The following XIRP2 variants were observed in gnomAD, a reference collection of about 807,000 sequenced individuals.
XIRP2 encodes xin actin-binding repeat-containing protein 2.
Under a neutral mutation model 277.0 loss-of-function variants are expected in XIRP2, and 236 were observed. The observed-to-expected ratio is 0.85, with a 90% CI of 0.77 to 0.95. XIRP2 has a LOEUF of 0.95. Ranked by LOEUF, XIRP2 falls within the 40% of genes least tolerant of loss-of-function variation. The pLI is 0.00. For missense variants in XIRP2, 4,640 were observed against 4,157.5 expected, an observed-to-expected ratio of 1.12 and a Z score of -3.19; for synonymous variants, 1,490 against 1,416.5, an observed-to-expected ratio of 1.05 and a Z score of -1.17.
chr2:166,978,042 G>A (rs1278107111), intron 2 of XIRP2, among the ~76,000 whole-genome samples: 1 of 152,112 alleles, frequency 6.6e-6, no homozygotes, highest in Non-Finnish European at 1.5e-5. Context: ...TTGCATGTGT[G>A]TGATTGTGTT....
At position 167,196,816 on chromosome 2, in the gene XIRP2, T is replaced by C. The variant is rs1434066885; in HGVS notation, c.563-13919T>C. 2.0e-5 allele frequency among the ~76,000 whole-genome samples: 3 copies of C among 151,596 alleles called. No individual in the cohort carries two copies. In the South Asian group the frequency reaches 6.2e-4, roughly 32 times the overall value. On this transcript the variant is annotated intron_variant, in intron 3 of 10. Coordinates refer to ENST00000409195, the MANE Select transcript of XIRP2 (RefSeq NM_152381.6). The stretch of plus-strand genomic sequence containing the variant: ...GATTAAATGGTCCTCCAAAGAAAAA[T>C]GTGGCTGGGGGTGGGTTGGTTGTGC...
At chr2:167,050,474 G>T (rs1295188412) in intron 2 of XIRP2, among the ~76,000 whole-genome samples, 1 of 152,018 alleles carries the variant, frequency 6.6e-6, no homozygotes, top group Non-Finnish European at 1.5e-5. Flanking sequence ...AAAGCCCAGA[G>T]TATGAAAATT....
intron 2 of XIRP2, among the ~76,000 whole-genome samples, chr2:166,918,186 G>C (rs1241593362): frequency 6.6e-6 from 1 of 152,150 alleles, no homozygotes; most frequent in Non-Finnish European, 1.5e-5. Flanking sequence ...ACAGTAAATG[G>C]AAGTTTATCC....
chr2:167,252,469 T>G (rs551731348), intron 9 of XIRP2, among the ~76,000 whole-genome samples: 1 of 152,100 alleles, frequency 6.6e-6, no homozygotes, highest in Non-Finnish European at 1.5e-5. Flanking sequence ...CTTTTATATA[T>G]TCAACTATTG....
chr2:167,145,586 A>G (rs935240606), intron 3 of XIRP2, among the ~76,000 whole-genome samples: 2 of 152,202 alleles, frequency 1.3e-5, no homozygotes, highest in East Asian at 1.9e-4. Context: ...GTGGGAAAAG[A>G]GCATGTTTCC....
intron 2 of XIRP2, among the ~76,000 whole-genome samples, chr2:167,043,877 TGTC>T (rs892468305): frequency 3.9e-5 from 6 of 151,974 alleles, no homozygotes; most frequent in Non-Finnish European, 8.8e-5. Context: ...TTATTCCAAA[TGTC>T]ATCATCATTG....
chr2:166,997,722 T>C (rs891083269), intron 2 of XIRP2, among the ~76,000 whole-genome samples: 2 of 151,828 alleles, frequency 1.3e-5, no homozygotes, highest in Non-Finnish European at 2.9e-5. Context: ...CTGGCCAACA[T>C]GGTGAAACCC....
Position 167,045,462 on chromosome 2 carries a change from A to G in XIRP2, c.409-90447A>G, listed in dbSNP as rs560856351. ...AAGAAACTATCATGACCGAGTAAAC[A>G]GACAACCTATTGAATGGGAGAAAAT... is the stretch of plus-strand genomic sequence containing the variant. On this transcript the variant is annotated intron_variant, in intron 2 of 10. Transcript: ENST00000409195. Among the ~76,000 whole-genome samples, 6 of 152,296 alleles carry G rather than the reference A, an allele frequency of 3.9e-5. No individual in the cohort carries two copies. The South Asian group carries it at 1.2e-3, about 32-fold the overall frequency.
At chr2:166,924,450 G>T (rs114816682) in intron 2 of XIRP2, among the ~76,000 whole-genome samples, 2 of 152,028 alleles carry the variant, frequency 1.3e-5, no homozygotes, top group Non-Finnish European at 2.9e-5. Flanking sequence ...CTGATAACAA[G>T]TGTATCATTT....
In XIRP2 at chr2:167,250,624, A is replaced by G. The variant is rs759185503; in HGVS notation, c.9232A>G (p.Lys3078Glu). 2.5e-6 allele frequency: 4 copies of G among 1,613,416 alleles called. No homozygotes were observed. The East Asian group carries it at 8.9e-5, about 36-fold the overall frequency. The change falls in exon 9 of 11, where the codon AAA (lysine) becomes GAA (glutamate). Residue 3078 changes from lysine (K) to glutamate (E), a missense_variant. Physicochemically the swap from Lys to Glu is moderately conservative, Grantham distance 56. Transcript: ENST00000409195. ...EQKENKIAKEKTVQHQVAAHH... is the reference protein window; with the variant it reads ...EQKENKIAKEETVQHQVAAHH... The stretch of plus-strand genomic sequence containing the variant: ...GAAAGAAAATAAAATTGCCAAAGAG[A>G]AAACAGTACAGCACCAAGTAGCAGC...
At chr2:167,208,558 T>C (rs555725320) in intron 3 of XIRP2, among the ~76,000 whole-genome samples, 1 of 152,314 alleles carries the variant, frequency 6.6e-6, no homozygotes, top group Admixed American at 6.5e-5. Context: ...TCTGCCCGTC[T>C]CGGCCTCCCA....
intron 2 of XIRP2, among the ~76,000 whole-genome samples, chr2:166,994,720 A>G (rs552219069): frequency 6.6e-6 from 1 of 151,926 alleles, no homozygotes; most frequent in East Asian, 1.9e-4. Flanking sequence ...AATTTGAGTA[A>G]GATCTAAAGG....
intron 2 of XIRP2, among the ~76,000 whole-genome samples, chr2:166,977,668 T>A (rs1264383798): frequency 6.6e-6 from 1 of 152,126 alleles, no homozygotes; most frequent in Non-Finnish European, 1.5e-5. Context: ...TATAAAAAAA[T>A]GATTCTGAGG....
intron 2 of XIRP2, among the ~76,000 whole-genome samples, chr2:167,128,996 A>G (rs1691297347): frequency 6.6e-6 from 1 of 152,188 alleles, no homozygotes; most frequent in African/African-American, 2.4e-5. Flanking sequence ...AGGAGACTGC[A>G]CTGAGTTAGG....
intron 2 of XIRP2, among the ~76,000 whole-genome samples, chr2:167,012,585 T>C (rs1215177052): frequency 1.3e-5 from 2 of 151,656 alleles, no homozygotes; most frequent in Non-Finnish European, 3.0e-5. Context: ...AAGTTTCCCA[T>C]CATTATGACA....
chr2:167,048,821 T>G (rs1294785858), intron 2 of XIRP2, among the ~76,000 whole-genome samples: 2 of 151,946 alleles, frequency 1.3e-5, no homozygotes, highest in African/African-American at 4.8e-5. Flanking sequence ...AGCTTGAGAA[T>G]AAGAAAAATC....
At chr2:166,969,340 T>A (rs1394069353) in intron 2 of XIRP2, among the ~76,000 whole-genome samples, 1 of 152,000 alleles carries the variant, frequency 6.6e-6, no homozygotes, top group Non-Finnish European at 1.5e-5. Context: ...ACAAAGTGAA[T>A]TTATTCACGT....
At chr2:167,026,176 T>C (rs1448726882) in intron 2 of XIRP2, among the ~76,000 whole-genome samples, 3 of 152,204 alleles carry the variant, frequency 2.0e-5, no homozygotes, top group Non-Finnish European at 4.4e-5. Context: ...TAGTTAGCTC[T>C]TGTTGTTGAA....
chr2:166,919,443 C>T (rs938426312), intron 2 of XIRP2, among the ~76,000 whole-genome samples: 5 of 152,122 alleles, frequency 3.3e-5, no homozygotes, highest in African/African-American at 9.7e-5. Flanking sequence ...GGTAATGCAA[C>T]GTAATGCATG....
Sources: gnomAD v4.1 joint callset for allele counts (sites outside exome capture counted in the v4.1 genomes callset) on GRCh38, gnomAD v4.1.1 for gene constraint, MANE v1.5 for transcripts, NCBI Gene and HGNC (gene_info 2026-07-23, HGNC 2026-07-21) for gene names.